PROX2: variants seen among roughly 807,000 people sequenced by gnomAD.
PROX2 encodes the protein prospero homeobox protein 2.
In PROX2, 46 loss-of-function variants were observed where a neutral mutation model predicts 48.9. The ratio of observed to expected loss-of-function variants is 0.94; its 90% CI spans 0.74 to 1.20. PROX2 has a LOEUF of 1.20. Ranked by LOEUF, PROX2 falls within the 50% of genes most tolerant of loss-of-function variation. PROX2 has a pLI of 0.00. For missense variants in PROX2, 663 were observed against 719.4 expected, an observed-to-expected ratio of 0.92 and a Z score of 0.90; for synonymous variants, 260 against 276.6, an observed-to-expected ratio of 0.94 and a Z score of 0.60.
At chr14:74,864,265 AAATAAT>A (rs377565208) in intron 2 of PROX2, among the ~76,000 whole-genome samples, 6 of 151,572 alleles carry the variant, frequency 4.0e-5, no homozygotes, top group Non-Finnish European at 8.8e-5. Context: ...CATAACAATA[AAATAAT>A]AATAATAATA....
chr14:74,865,653 A>G (rs1405995588), intron 2 of PROX2, among the ~76,000 whole-genome samples: 3 of 151,300 alleles, frequency 2.0e-5, no homozygotes, highest in Non-Finnish European at 3.0e-5. Context: ...ACATTCATGA[A>G]ACCCCGTCTC....
At chr14:74,860,325 T>A (rs1566779057) in intron 3 of PROX2, among the ~76,000 whole-genome samples, 1 of 151,996 alleles carries the variant, frequency 6.6e-6, no homozygotes. Context: ...CTAAGTGGGA[T>A]AAAATCTATT....
intron 4 of PROX2, 84 bp downstream of exon 4, chr14:74,858,323 G>T: frequency 1.3e-6 from 1 of 761,388 alleles, no homozygotes; most frequent in South Asian, 1.6e-5. Context: ...CACATATGAT[G>T]ACCTAGGACT....
Position 74,863,925 on chromosome 14 carries a change from A to G in PROX2, c.-91T>C. 1 of 1,366,240 alleles carries G rather than the reference A, an allele frequency of 7.3e-7. No homozygotes were observed. Among genetic ancestry groups the G allele is most frequent in the South Asian group, 2.2e-5 (1 of 46,506 alleles). The allele number at this position is 1,366,240 out of a possible 1,614,324, so 84.6% of individuals were successfully genotyped here. A position where few individuals can be genotyped will look rare whatever the true frequency, so the allele number is the denominator to read the frequency against. Reference sequence around the variant, plus strand: ...GAATGCGCTGGGCTTCCTCCTCTGCACTTAGAAGGGTAAAGAGCCACTGTC... The same window carrying G: ...GAATGCGCTGGGCTTCCTCCTCTGCGCTTAGAAGGGTAAAGAGCCACTGTC... On this transcript the variant is annotated 5_prime_UTR_variant, in exon 3 of 6. Transcript: ENST00000556489.
At chr14:74,857,130 G>C in intron 4 of PROX2, 135 bp from the exon 5 acceptor site, 47 of 655,470 alleles carry the variant, frequency 7.2e-5, no homozygotes, top group Non-Finnish European at 1.6e-5. Flanking sequence ...TTTAAAAAAA[G>C]AAGCGAAGCC....
intron 5 of PROX2, 72 bp downstream of exon 5, chr14:74,856,729 T>TTAGTTTGGC: frequency 7.4e-7 from 1 of 1,344,718 alleles, no homozygotes; most frequent in Non-Finnish European, 1.0e-6. Flanking sequence ...AGAAGAGGGA[T>TTAGTTTGGC]CTTTCCTAAA....
chr14:74,857,743 G>GTTGT (rs774627471), intron 4 of PROX2: 2 of 148,012 alleles, frequency 1.4e-5, no homozygotes, highest in African/African-American at 2.5e-5. Flanking sequence ...TATATTTTTT[G>GTTGT]TTGTTTGTTT....
chr14:74,859,860 C>A (rs545534857), intron 3 of PROX2, among the ~76,000 whole-genome samples: 2 of 152,342 alleles, frequency 1.3e-5, no homozygotes, highest in African/African-American at 4.8e-5. Flanking sequence ...TCCACAAATG[C>A]TGTGGAGAGA....
intron 2 of PROX2, among the ~76,000 whole-genome samples, chr14:74,868,313 T>TTATATATATATATATATATA (rs4026383): frequency 3.7e-5 from 2 of 53,780 alleles, no homozygotes; most frequent in Non-Finnish European, 7.5e-5. Context: ...TTTCTCGTAA[T>TTATATATATATATATATATA]TATATATATA....
chr14:74,867,933 T>C (rs1883103616), intron 2 of PROX2, among the ~76,000 whole-genome samples: 1 of 152,170 alleles, frequency 6.6e-6, no homozygotes, highest in Non-Finnish European at 1.5e-5. Context: ...TTTACGCCCA[T>C]GCAATCATGG....
At chr14:74,868,158 TA>T (rs1261357863) in intron 2 of PROX2, among the ~76,000 whole-genome samples, 5 of 151,800 alleles carry the variant, frequency 3.3e-5, no homozygotes, top group African/African-American at 1.2e-4. Context: ...GAAAGTAATG[TA>T]GGATCATTTT....
Position 74,863,388 on chromosome 14 carries a change from G to A in PROX2, c.447C>T (p.His149=). The change falls in exon 3 of 6, where the codon CAC becomes CAT. Residue 149 remains histidine, a synonymous_variant. Coordinates refer to ENST00000556489, the MANE Select transcript of PROX2 (RefSeq NM_001243007.2). The stretch of plus-strand genomic sequence containing the variant: ...CCCTGGGCTTGGCAGCCTGTAGGAT[G>A]TGCTCTTGCAGATGTCTTAGCTGTT... ...LKQQLRHLQE[H]ILQAAKPRDT... 1 of 1,613,836 alleles carries A rather than the reference G, an allele frequency of 6.2e-7. No individual in the cohort carries two copies. The highest frequency in any genetic ancestry group is 8.5e-7 in the Non-Finnish European group (1 of 1,179,790).
Position 74,863,577 on chromosome 14 carries a change from A to G in PROX2, c.258T>C (p.Asn86=), listed in dbSNP as rs771027207. 1.6e-5 allele frequency: 25 copies of G among 1,612,714 alleles called. No individual in the cohort carries two copies. Among genetic ancestry groups the G allele is most frequent in the African/African-American group, 4.0e-5 (3 of 74,912 alleles). ...CLSPNPLVPG[N]AQAGVSPRCP... is the part of the protein sequence containing the mutation. Reference sequence around the variant, plus strand: ...AGCGTGGGCTGACCCCAGCTTGCGCATTGCCTGGCACCAGAGGATTCGGGG... The same window carrying G: ...AGCGTGGGCTGACCCCAGCTTGCGCGTTGCCTGGCACCAGAGGATTCGGGG... The change falls in exon 3 of 6, where the codon AAT becomes AAC. Residue 86 remains asparagine, a synonymous_variant. Coordinates refer to ENST00000556489, the MANE Select transcript of PROX2 (RefSeq NM_001243007.2).
At chr14:74,858,110 A>G in intron 4 of PROX2, 1 of 247,974 alleles carries the variant, frequency 4.0e-6, no homozygotes, top group Non-Finnish European at 7.8e-6. Context: ...AAACTAGCCA[A>G]AAAGGCCACT....
rs1241382788 is a variant in PROX2, at chr14:74,853,481, A to C, written c.*1651T>G. ...AATTGGATGTACTGGAGGGCACTTA[A>C]CCTTTAGCCTGTAAAGATGGGTTTG... On this transcript the variant is annotated 3_prime_UTR_variant, in exon 6 of 6. Coordinates refer to ENST00000556489, the MANE Select transcript of PROX2 (RefSeq NM_001243007.2). 1 of 152,130 alleles carries C rather than the reference A, an allele frequency of 6.6e-6. No individual in the cohort carries two copies. The highest frequency in any genetic ancestry group is 1.9e-4 in the East Asian group (1 of 5,202). The allele number at this position is 152,130 out of a possible 1,614,324, so 9.4% of individuals were successfully genotyped here. A position where few individuals can be genotyped will look rare whatever the true frequency, so the allele number is the denominator to read the frequency against.
In PROX2 at chr14:74,853,412, A is replaced by AT. The variant is rs1332347076; in HGVS notation, c.*1719dup. 1.3e-5 allele frequency: 2 copies of AT among 152,218 alleles called. No individual in the cohort carries two copies. Among genetic ancestry groups the AT allele is most frequent in the Non-Finnish European group, 2.9e-5 (2 of 68,048 alleles). 9.4% of individuals were successfully genotyped at this position (152,218 alleles called of 1,614,324 possible). ...TGTGTTTAAAACTTAGGTTTGGCAG[A>AT]TTCCTTCATTTTTGTGAAAATAGGG... On this transcript the variant is annotated 3_prime_UTR_variant, in exon 6 of 6. Transcript: ENST00000556489.
Position 74,862,899 on chromosome 14 carries a change from A to G in PROX2, c.936T>C (p.Pro312=), listed in dbSNP as rs1478131496. 2 of 1,613,768 alleles carry G rather than the reference A, an allele frequency of 1.2e-6. No homozygotes were observed. The highest frequency in any genetic ancestry group is 2.2e-5 in the East Asian group (1 of 44,898). The change falls in exon 3 of 6, where the codon CCT becomes CCC. Residue 312 remains proline, a synonymous_variant. Transcript: ENST00000556489. ...TCATTCTTGGAGGGATAGGGTACCT[A>G]GGAGAATCTAGACGCTTGGCCAGTG... ...NLSLAKRLDS[P]RYPIPPRMTP...
At chr14:74,857,215 T>G (rs2091751057) in intron 4 of PROX2, 1 of 423,684 alleles carries the variant, frequency 2.4e-6, no homozygotes, top group Non-Finnish European at 4.2e-6. Context: ...AGAACATAAC[T>G]TTTTTTTGAT....
At chr14:74,866,550 A>T (rs186690037) in intron 2 of PROX2, among the ~76,000 whole-genome samples, 120 of 152,328 alleles carry the variant, frequency 7.9e-4, no homozygotes, top group Non-Finnish European at 1.4e-3. Context: ...AACCAAGTGA[A>T]GTAAATGTTT....
Sources: allele counts gnomAD v4.1 joint callset (sites outside exome capture counted in the v4.1 genomes callset), GRCh38; gene constraint gnomAD v4.1.1; transcripts MANE v1.5; gene names NCBI Gene and HGNC (gene_info 2026-07-23, HGNC 2026-07-21).